The following ARIH2 variants were observed in gnomAD, a reference collection of about 807,000 sequenced individuals.
ARIH2 encodes the protein E3 ubiquitin-protein ligase ARIH2.
A neutral mutation model predicts 79.8 loss-of-function variants in ARIH2; 12 were observed. The ratio of observed to expected loss-of-function variants is 0.15; its 90% CI spans 0.10 to 0.24. The LOEUF is 0.24. ARIH2 is among the 10% of genes least tolerant of loss of function. The probability of loss-of-function intolerance (pLI) is 1.00; values close to 1 mark genes in which losing one functional copy is unlikely to be tolerated. For missense variants in ARIH2, 301 were observed against 618.3 expected, an observed-to-expected ratio of 0.49 and a Z score of 5.44; for synonymous variants, 224 against 213.9, an observed-to-expected ratio of 1.05 and a Z score of -0.41.
chr3:48,964,449 G>A (rs2091582047), intron 4 of ARIH2, among the ~76,000 whole-genome samples: 1 of 151,708 alleles, frequency 6.6e-6, no homozygotes, highest in African/African-American at 2.4e-5. Flanking sequence ...CCAAGTAGCT[G>A]GGACTATAGG....
At chr3:48,950,125 T>C (rs1485152090) in intron 3 of ARIH2, among the ~76,000 whole-genome samples, 1 of 152,198 alleles carries the variant, frequency 6.6e-6, no homozygotes, top group Non-Finnish European at 1.5e-5. Context: ...TGGTCTGTGT[T>C]CTGTGTTTTG....
intron 11 of ARIH2, among the ~76,000 whole-genome samples, chr3:48,975,596 ACT>A (rs1326372721): frequency 6.7e-6 from 1 of 149,568 alleles, no homozygotes; most frequent in Non-Finnish European, 1.5e-5. Context: ...AAGGAGTCTC[ACT>A]CTGTCACCCA....
rs2091854068 is a variant in ARIH2, at chr3:48,967,121, C to G, written c.388-4C>G. ...TTGGCTCATGTGGCTCTGTTTCTCT[C>G]CAGGTTCCCACATCCCATCCCCCTC... On this transcript the variant is annotated splice_polypyrimidine_tract_variant and splice_region_variant and intron_variant, in intron 5 of 15. Coordinates refer to ENST00000356401, the MANE Select transcript of ARIH2 (RefSeq NM_006321.4). 1 of 1,613,326 alleles carries G rather than the reference C, an allele frequency of 6.2e-7. No individual in the cohort carries two copies. Among genetic ancestry groups the G allele is most frequent in the Non-Finnish European group, 8.5e-7 (1 of 1,179,520 alleles).
intron 3 of ARIH2, among the ~76,000 whole-genome samples, chr3:48,945,433 A>T (rs1009668076): frequency 6.6e-6 from 1 of 152,208 alleles, no homozygotes; most frequent in Non-Finnish European, 1.5e-5. Flanking sequence ...TGTTCTGTGC[A>T]CTATTTTGAG....
intron 3 of ARIH2, among the ~76,000 whole-genome samples, chr3:48,936,536 C>A (rs528641355): frequency 2.6e-5 from 4 of 151,694 alleles, no homozygotes; most frequent in Non-Finnish European, 5.9e-5. Context: ...GAGTTCAAGA[C>A]CAGCTAGCTA....
chr3:48,921,438 T>C (rs968613206), intron 1 of ARIH2: 6 of 140,628 alleles, frequency 4.3e-5, no homozygotes, highest in East Asian at 2.0e-4. Flanking sequence ...TTTCTTTTTT[T>C]TTTTTTTTTT....
intron 3 of ARIH2, chr3:48,934,636 G>A (rs2086867573): frequency 1.0e-6 from 1 of 985,378 alleles, no homozygotes; most frequent in South Asian, 4.7e-5. Flanking sequence ...TTGTTAACAT[G>A]TTTCACAGTG....
chr3:48,980,169 C>A, intron 12 of ARIH2, 184 bp from the exon 13 acceptor site: 1 of 560,858 alleles, frequency 1.8e-6, no homozygotes. Flanking sequence ...TGGCAGTAAG[C>A]ATACAGCTGC....
chr3:48,978,851 C>G (rs942029683), intron 11 of ARIH2, among the ~76,000 whole-genome samples: 5 of 151,700 alleles, frequency 3.3e-5, no homozygotes, highest in Admixed American at 1.3e-4. Context: ...GTCCCAGCTA[C>G]TCGGGAGGCT....
At chr3:48,927,259 C>A (rs1161413264) in intron 2 of ARIH2, 1 of 329,262 alleles carries the variant, frequency 3.0e-6, no homozygotes. Context: ...CATTTATTAG[C>A]TGCTTCTGTC....
Position 48,981,698 on chromosome 3 carries a change from T to C in ARIH2, c.1296T>C (p.Tyr432=), listed in dbSNP as rs1309037363. Reference sequence around the variant, plus strand: ...TGCAATACACCTACCCATATGCATATTACATGGAGTCCGGACCCAGGAAGA... The same window carrying C: ...TGCAATACACCTACCCATATGCATACTACATGGAGTCCGGACCCAGGAAGA... The part of the protein sequence containing the change: ...YTLQYTYPYA[Y]YMESGPRKKL... The change falls in exon 14 of 16, where the codon TAT becomes TAC. Residue 432 remains tyrosine (Y), a synonymous_variant. Coordinates refer to ENST00000356401, the MANE Select transcript of ARIH2 (RefSeq NM_006321.4). The C allele has an allele frequency of 1.2e-6, 2 of 1,613,754 alleles. No homozygotes were observed. The highest frequency in any genetic ancestry group is 1.7e-6 in the Non-Finnish European group (2 of 1,179,712).
At chr3:48,944,319 A>T (rs919265922) in intron 3 of ARIH2, among the ~76,000 whole-genome samples, 72 of 152,076 alleles carry the variant, frequency 4.7e-4, no homozygotes, top group African/African-American at 1.7e-3. Flanking sequence ...TCAAGGAATG[A>T]TTACGTTAGT....
rs746822855 is a variant in ARIH2 at position 48,918,860 on chromosome 3, CT to C, written c.-298del. ...CACTTCCGGAGCTGTGGGGACGACT[CT>C]TCTGGAGGAAGCAGCGCGGGCTTGA... is the stretch of plus-strand genomic sequence containing the variant. On this transcript the variant is annotated 5_prime_UTR_variant, in exon 1 of 16. Transcript: ENST00000356401. 1 of 1,610,790 alleles carries C rather than the reference CT, an allele frequency of 6.2e-7. No individual in the cohort carries two copies.
intron 12 of ARIH2, 146 bp downstream of exon 12, chr3:48,979,779 C>G: frequency 1.2e-6 from 1 of 818,474 alleles, no homozygotes; most frequent in East Asian, 2.7e-5. Flanking sequence ...CTGGTGCTGC[C>G]TCTATAGATG....
chr3:48,983,273 T>C lies in ARIH2; in HGVS notation c.*3T>C. 6.2e-7 allele frequency: 1 copy of C among 1,614,046 alleles called. No individual in the cohort carries two copies. The highest frequency in any genetic ancestry group is 8.5e-7 in the Non-Finnish European group (1 of 1,179,988). On this transcript the variant is annotated 3_prime_UTR_variant, in exon 16 of 16. Transcript: ENST00000356401. ...TGAAAGATTTCCATGACACCTAAGT[T>C]GGGATGTGGATGTGCCGGGGTGAGG...
At chr3:48,960,393 A>T (rs961649179) in intron 3 of ARIH2, among the ~76,000 whole-genome samples, 25 of 152,188 alleles carry the variant, frequency 1.6e-4, no homozygotes, top group Admixed American at 1.6e-3. Flanking sequence ...TGTAGTGTGC[A>T]ATGATCATGC....
chr3:48,936,009 A>G (rs148610531), intron 3 of ARIH2, among the ~76,000 whole-genome samples: 183 of 152,336 alleles, frequency 1.2e-3, no homozygotes, highest in African/African-American at 4.2e-3. Context: ...ACAACACAAA[A>G]TGAACTTTGA....
intron 3 of ARIH2, among the ~76,000 whole-genome samples, chr3:48,931,177 C>A (rs2086302148): frequency 6.6e-6 from 1 of 152,136 alleles, no homozygotes; most frequent in Admixed American, 6.6e-5. Flanking sequence ...CCCTCAAACT[C>A]CTGGGTTCCA....
chr3:48,942,645 ATTTTTTTT>A (rs745532484), intron 3 of ARIH2, among the ~76,000 whole-genome samples: 2 of 104,730 alleles, frequency 1.9e-5, no homozygotes, highest in East Asian at 2.6e-4. Context: ...TGCCCGGCTA[ATTTTTTTT>A]TTTTTTTTTT....
Sources: gnomAD v4.1 joint callset for allele counts (sites outside exome capture counted in the v4.1 genomes callset) on GRCh38, gnomAD v4.1.1 for gene constraint, MANE v1.5 for transcripts, NCBI Gene and HGNC (gene_info 2026-07-23, HGNC 2026-07-21) for gene names.